Variants in GMPS observed in about 807,000 individuals in gnomAD.
The protein encoded by GMPS is GMP synthase [glutamine-hydrolyzing].
A neutral mutation model predicts 77.9 loss-of-function variants in GMPS; 15 were observed. That is an observed-to-expected ratio of 0.19 (90% CI 0.13 to 0.30). The LOEUF (loss-of-function observed/expected upper bound fraction) is 0.30. Among genes scored for constraint, GMPS ranks in the 10% least tolerant of loss-of-function variants. The pLI, the probability that GMPS is intolerant of heterozygous loss-of-function variation, is 1.00. For synonymous variants in GMPS, 224 were observed against 275.9 expected (o/e 0.81, Z 1.86); for missense variants, 590 against 838.8 (o/e 0.70, Z 3.66).
intron 2 of GMPS, among the ~76,000 whole-genome samples, chr3:155,896,302 C>T (rs1408262803): frequency 1.3e-5 from 2 of 152,166 alleles, no homozygotes; most frequent in African/African-American, 4.8e-5. Flanking sequence ...AGCCACCATG[C>T]CTGGCGTTAG....
chr3:155,924,844 A>T (rs1458470377), intron 11 of GMPS, among the ~76,000 whole-genome samples: 1 of 152,194 alleles, frequency 6.6e-6, no homozygotes, highest in South Asian at 2.1e-4. Context: ...ATACCTAGGG[A>T]TAGTAGGAGT....
chr3:155,884,479 A>G (rs1754283832), intron 1 of GMPS, among the ~76,000 whole-genome samples: 1 of 152,158 alleles, frequency 6.6e-6, no homozygotes, highest in Non-Finnish European at 1.5e-5. Flanking sequence ...GTTATTTGAG[A>G]ACTGGTCACA....
chr3:155,936,149 G>GT lies in GMPS; in HGVS notation c.1808-183dup, dbSNP rs1341925904. Among the ~76,000 whole-genome samples, 15 of 152,080 alleles carry GT rather than the reference G, an allele frequency of 9.9e-5. 1 individual carries two copies. The highest frequency in any genetic ancestry group is 1.5e-4 in the Non-Finnish European group (10 of 68,028). On this transcript the variant is annotated intron_variant, in intron 14 of 15. Coordinates refer to ENST00000496455, the MANE Select transcript of GMPS (RefSeq NM_003875.3). ...AACATCACTGATGTGATCAAATTCTGTTTTTTGCATTTGTGATTAAGTCCA... is the reference window on the plus strand; with the variant it reads ...AACATCACTGATGTGATCAAATTCTGTTTTTTTGCATTTGTGATTAAGTCCA...
chr3:155,916,968 T>A (rs1175797702), intron 9 of GMPS, among the ~76,000 whole-genome samples: 1 of 150,186 alleles, frequency 6.7e-6, no homozygotes, highest in East Asian at 2.0e-4. Flanking sequence ...GCTTACCATC[T>A]TAACTCTGAT....
At chr3:155,919,188 T>A (rs1755258313) in intron 9 of GMPS, 45 bp from the exon 10 acceptor site, 1 of 787,528 alleles carries the variant, frequency 1.3e-6, no homozygotes, top group Admixed American at 2.5e-5. Flanking sequence ...TTCCATGTCA[T>A]CTTGGTTACT....
At chr3:155,916,986 T>G (rs1755196685) in intron 9 of GMPS, among the ~76,000 whole-genome samples, 1 of 152,000 alleles carries the variant, frequency 6.6e-6, no homozygotes, top group Non-Finnish European at 1.5e-5. Context: ...GATTTTTTTT[T>G]TTTTTTGAGA....
chr3:155,912,067 CA>C (rs1275115506), intron 7 of GMPS, among the ~76,000 whole-genome samples: 2 of 151,768 alleles, frequency 1.3e-5, no homozygotes, highest in African/African-American at 4.8e-5. Context: ...TTTTTAAAAA[CA>C]AGGTGCAATT....
At chr3:155,921,994 A>G (rs1158112921) in intron 10 of GMPS, among the ~76,000 whole-genome samples, 193 bp from the exon 11 acceptor site, 3 of 152,208 alleles carry the variant, frequency 2.0e-5, no homozygotes, top group Admixed American at 2.0e-4. Context: ...CAACATTTTT[A>G]GAATGTTGAA....
chr3:155,921,160 G>A (rs1755309418), intron 10 of GMPS, among the ~76,000 whole-genome samples: 1 of 152,156 alleles, frequency 6.6e-6, no homozygotes, highest in South Asian at 2.1e-4. Context: ...GGGTAAGGCA[G>A]GAGAATCTCT....
chr3:155,902,063 G>A (rs1661447979), intron 3 of GMPS, among the ~76,000 whole-genome samples: 1 of 152,172 alleles, frequency 6.6e-6, no homozygotes, highest in South Asian at 2.1e-4. Context: ...CTGATTAGGT[G>A]GTAGACCTGG....
chr3:155,887,426 A>G (rs759216939), intron 1 of GMPS, among the ~76,000 whole-genome samples: 5 of 152,226 alleles, frequency 3.3e-5, no homozygotes, highest in Non-Finnish European at 5.9e-5. Context: ...TCAAATGTTT[A>G]TCTAGAATCT....
intron 2 of GMPS, 145 bp downstream of exon 2, chr3:155,893,844 G>A: frequency 9.9e-6 from 5 of 506,436 alleles, no homozygotes; most frequent in Admixed American, 3.8e-5. Context: ...TCTGATTTGG[G>A]GAGAAAAAGG....
rs1026045370 is a variant in GMPS at position 155,916,202 on chromosome 3, T to G, written c.1212+10T>G. 1.3e-6 allele frequency: 2 copies of G among 1,586,458 alleles called. No individual in the cohort carries two copies. Among genetic ancestry groups the G allele is most frequent in the Non-Finnish European group, 1.7e-6 (2 of 1,159,850 alleles). ...AAAGTTGAGAGAGGAGGTAAAAGTTTATGAAAACTTTTTCATAAAGTAGAT... is the reference window on the plus strand; with the variant it reads ...AAAGTTGAGAGAGGAGGTAAAAGTTGATGAAAACTTTTTCATAAAGTAGAT... On this transcript the variant is annotated intron_variant, in intron 9 of 15. Transcript: ENST00000496455.
chr3:155,936,571 T>G (rs1755770824), intron 15 of GMPS, 61 bp downstream of exon 15: 1 of 947,522 alleles, frequency 1.1e-6, no homozygotes, highest in Non-Finnish European at 1.7e-6. Context: ...TATAATATGG[T>G]GAATGGAATA....
chr3:155,923,718 A>C (rs533731176), intron 11 of GMPS, among the ~76,000 whole-genome samples: 1 of 152,352 alleles, frequency 6.6e-6, no homozygotes, highest in Non-Finnish European at 1.5e-5. Context: ...GAAGAAACTA[A>C]AGGCAATGAT....
At chr3:155,924,884 A>G (rs1402186320) in intron 11 of GMPS, among the ~76,000 whole-genome samples, 1 of 151,366 alleles carries the variant, frequency 6.6e-6, no homozygotes, top group Non-Finnish European at 1.5e-5. Flanking sequence ...AACATATACC[A>G]GGTAAATAAA....
chr3:155,926,310 C>G (rs1016639311), intron 12 of GMPS, among the ~76,000 whole-genome samples: 1 of 152,164 alleles, frequency 6.6e-6, no homozygotes, highest in Admixed American at 6.5e-5. Flanking sequence ...CTGTACCCGG[C>G]CTTCTTTATA....
intron 2 of GMPS, among the ~76,000 whole-genome samples, chr3:155,897,658 A>C (rs975558198): frequency 3.3e-5 from 5 of 152,230 alleles, no homozygotes; most frequent in Non-Finnish European, 7.3e-5. Flanking sequence ...AGATAGAAAC[A>C]TTGGTATTAT....
chr3:155,923,084 A>G (rs1359819906), intron 11 of GMPS, among the ~76,000 whole-genome samples: 1 of 152,192 alleles, frequency 6.6e-6, no homozygotes, highest in Non-Finnish European at 1.5e-5. Context: ...AAGACCCTCA[A>G]GACTTTACTG....
Sources: allele counts gnomAD v4.1 joint callset (sites outside exome capture counted in the v4.1 genomes callset), GRCh38; gene constraint gnomAD v4.1.1; transcripts MANE v1.5; gene names NCBI Gene and HGNC (gene_info 2026-07-23, HGNC 2026-07-21).